TRMT11: variants seen among roughly 807,000 people sequenced by gnomAD.
TRMT11 encodes tRNA (guanine(10)-N(2))-methyltransferase TRMT11.
In TRMT11, 53 loss-of-function variants were observed where a neutral mutation model predicts 62.8. That is an observed-to-expected ratio of 0.84 (90% CI 0.68 to 1.06). The LOEUF (loss-of-function observed/expected upper bound fraction) is 1.06, where lower values mean the gene tolerates loss of function less well. Among genes scored for constraint, TRMT11 ranks in the 50% least tolerant of loss-of-function variants. The probability of loss-of-function intolerance (pLI) is 0.00; values close to 1 mark genes in which losing one functional copy is unlikely to be tolerated. For missense variants in TRMT11, 556 were observed against 553.4 expected (o/e 1.00, Z -0.05); for synonymous variants, 188 against 190.3 (o/e 0.99, Z 0.10).
chr6:126,023,357 C>T (rs2127998691), intron 12 of TRMT11, among the ~76,000 whole-genome samples: 2 of 152,160 alleles, frequency 1.3e-5, no homozygotes, highest in South Asian at 4.1e-4. Context: ...TTCTCTAAAA[C>T]ACACTGCCTG....
At chr6:126,122,235 G>A (rs1358386607) in intron 21 of TRMT11, among the ~76,000 whole-genome samples, 7 of 151,986 alleles carry the variant, frequency 4.6e-5, no homozygotes, top group African/African-American at 9.7e-5. Flanking sequence ...ACCCAGTCTC[G>A]GGTATGTCTT....
At chr6:126,216,889 T>A in the TRMT11 span, among the ~76,000 whole-genome samples, 4 of 152,306 alleles carry the variant, frequency 2.6e-5, no homozygotes, top group African/African-American at 9.6e-5. Context: ...TTTCTCCTTT[T>A]GAGACTATTT....
chr6:126,162,687 T>A (rs1778205249), intron 21 of TRMT11, among the ~76,000 whole-genome samples: 1 of 152,216 alleles, frequency 6.6e-6, no homozygotes, highest in Non-Finnish European at 1.5e-5. Context: ...ATTCTTCCTA[T>A]CCATGAGCAT....
chr6:126,063,034 GATAA>G (rs1776583098), intron 17 of TRMT11, among the ~76,000 whole-genome samples: 1 of 152,052 alleles, frequency 6.6e-6, no homozygotes, highest in African/African-American at 2.4e-5. Context: ...TTTCATAATA[GATAA>G]ATAATAAAGG....
At chr6:126,158,729 G>C (rs1210433415) in intron 21 of TRMT11, among the ~76,000 whole-genome samples, 1 of 152,020 alleles carries the variant, frequency 6.6e-6, no homozygotes, top group African/African-American at 2.4e-5. Flanking sequence ...GGGCAATGTC[G>C]AGCCAAATTT....
chr6:125,996,385 A>G (rs1460561793), intron 3 of TRMT11, among the ~76,000 whole-genome samples: 3 of 152,218 alleles, frequency 2.0e-5, no homozygotes, highest in African/African-American at 7.2e-5. Context: ...TTTTTCATAG[A>G]TGGTTTTTAA....
intron 17 of TRMT11, among the ~76,000 whole-genome samples, chr6:126,107,438 A>T (rs1777476955): frequency 6.6e-6 from 1 of 152,166 alleles, no homozygotes; most frequent in African/African-American, 2.4e-5. Context: ...GTGTCTTGGA[A>T]CTATTTACCC....
At chr6:126,270,217 A>G in the TRMT11 span, among the ~76,000 whole-genome samples, 2 of 152,144 alleles carry the variant, frequency 1.3e-5, no homozygotes, top group Non-Finnish European at 2.9e-5. Context: ...CTTTTTTTCT[A>G]GTTACATGAG....
chr6:126,078,303 T>C (rs1198158836), intron 17 of TRMT11, among the ~76,000 whole-genome samples: 1 of 152,180 alleles, frequency 6.6e-6, no homozygotes, highest in Non-Finnish European at 1.5e-5. Flanking sequence ...AACAATGCTG[T>C]GCACTTGGTA....
chr6:126,026,825 C>G (rs1260911868), intron 12 of TRMT11, among the ~76,000 whole-genome samples: 1 of 114,952 alleles, frequency 8.7e-6, no homozygotes, highest in Non-Finnish European at 1.7e-5. Flanking sequence ...TTTTTTGAGA[C>G]GGAGTCTTGC....
chr6:126,057,412 T>C (rs1776403854), intron 17 of TRMT11, among the ~76,000 whole-genome samples: 1 of 152,248 alleles, frequency 6.6e-6, no homozygotes, highest in South Asian at 2.1e-4. Flanking sequence ...GATATTTGGC[T>C]GGAGGCACTG....
chr6:126,251,130 A>C, the TRMT11 span, among the ~76,000 whole-genome samples: 1 of 151,550 alleles, frequency 6.6e-6, no homozygotes, highest in Non-Finnish European at 1.5e-5. Flanking sequence ...TCCCGGGTTC[A>C]AGCAATTCTC....
intron 17 of TRMT11, among the ~76,000 whole-genome samples, chr6:126,107,414 A>C (rs188473228): frequency 1.3e-5 from 2 of 152,200 alleles, no homozygotes; most frequent in Admixed American, 1.3e-4. Flanking sequence ...CTGACAAGGT[A>C]TGAACTGGAG....
Position 126,023,450 on chromosome 6 carries a change from C to T in TRMT11, c.1260+2170C>T, listed in dbSNP as rs564737828. ...AGATCATGAGGCCAGGAGTTCGAGA[C>T]GTGCCTGGCCAATGTAGTGAAACCC... On this transcript the variant is annotated intron_variant, in intron 12 of 12. Transcript: ENST00000334379. Among the ~76,000 whole-genome samples, 10 of 152,232 alleles carry T rather than the reference C, an allele frequency of 6.6e-5. 1 individual carries two copies. The South Asian group carries it at 1.5e-3, about 22-fold the overall frequency.
At chr6:126,053,265 A>C (rs1182842176) in intron 17 of TRMT11, among the ~76,000 whole-genome samples, 1 of 152,210 alleles carries the variant, frequency 6.6e-6, no homozygotes, top group East Asian at 1.9e-4. Flanking sequence ...AGGAGCACCT[A>C]GCCACTTCTA....
intron 21 of TRMT11, among the ~76,000 whole-genome samples, chr6:126,162,735 C>A (rs958189420): frequency 5.9e-5 from 9 of 152,118 alleles, no homozygotes; most frequent in African/African-American, 2.2e-4. Flanking sequence ...TCTCTTATTT[C>A]CTTGAGCAGT....
At chr6:126,175,169 A>G (rs966593486), upstream of TRMT11, among the ~76,000 whole-genome samples, 14 of 152,200 alleles carry the variant, frequency 9.2e-5, no homozygotes, top group Non-Finnish European at 1.5e-5. Flanking sequence ...GTACTGGGAC[A>G]GTGATTGAAC....
chr6:126,119,770 T>G (rs920329901), intron 21 of TRMT11, among the ~76,000 whole-genome samples: 3 of 152,054 alleles, frequency 2.0e-5, no homozygotes, highest in African/African-American at 7.2e-5. Context: ...AAATTGGAAA[T>G]ATTTATCAAA....
intron 7 of TRMT11, among the ~76,000 whole-genome samples, chr6:126,006,116 C>T (rs1444065317): frequency 5.3e-5 from 8 of 151,926 alleles, no homozygotes; most frequent in African/African-American, 9.7e-5. Flanking sequence ...TATTCTCTTT[C>T]GCATTTTTTT....
Sources: gnomAD v4.1 joint callset for allele counts (sites outside exome capture counted in the v4.1 genomes callset) on GRCh38, gnomAD v4.1.1 for gene constraint, MANE v1.5 for transcripts, NCBI Gene and HGNC (gene_info 2026-07-23, HGNC 2026-07-21) for gene names.